PROZ: variants seen among roughly 807,000 people sequenced by gnomAD.
The protein encoded by PROZ is protein Z, vitamin K dependent plasma glycoprotein.
Under a neutral mutation model 34.9 loss-of-function variants are expected in PROZ, and 46 were observed. The ratio of observed to expected loss-of-function variants is 1.32; its 90% confidence interval spans 1.04 to 1.69. PROZ has a LOEUF of 1.69. Among genes scored for constraint, PROZ ranks in the 40% most tolerant of loss-of-function variants. PROZ has a pLI of 0.00. For missense variants in PROZ, 530 were observed against 520.4 expected (o/e 1.02, Z -0.18); for synonymous variants, 195 against 208.5 (o/e 0.94, Z 0.56).
At chr13:113,163,152 G>C in intron 4 of PROZ, 30 bp downstream of exon 4, 1 of 1,499,686 alleles carries the variant, frequency 6.7e-7, no homozygotes, top group South Asian at 1.2e-5. Context: ...CTTCCCCCAA[G>C]GGCCTCCCTG....
In PROZ at chr13:113,159,891, GGCTGAGA is replaced by G; in HGVS notation, c.71-120_71-114del. 1 of 1,223,816 alleles carries G rather than the reference GGCTGAGA, an allele frequency of 8.2e-7. No individual in the cohort carries two copies. The highest frequency in any genetic ancestry group is 1.2e-6 in the Non-Finnish European group (1 of 830,824). The allele number at this position is 1,223,816 out of a possible 1,614,324, so 75.8% of individuals were successfully genotyped here. On this transcript the variant is annotated intron_variant, in intron 1 of 7. Transcript: ENST00000375547. This position sits in a 1 kb window ranked among gnomAD's most constrained non-coding sequence, Gnocchi z 4.6. ...GCGGGGTGGCCCTGAGGCCCTCGCAGGCTGAGAGCCTGTGGAGACGGACGGGGCTGGG... is the reference window on the plus strand; with the variant it reads ...GCGGGGTGGCCCTGAGGCCCTCGCAGGCCTGTGGAGACGGACGGGGCTGGG...
chr13:113,165,892 AC>A (rs2036916220), intron 6 of PROZ, among the ~76,000 whole-genome samples: 1 of 152,168 alleles, frequency 6.6e-6, no homozygotes, highest in Non-Finnish European at 1.5e-5. Flanking sequence ...CATATTTAGC[AC>A]AAGTAGTCAG....
chr13:113,164,199 T>C (rs3024729), intron 4 of PROZ, among the ~76,000 whole-genome samples: 367 of 152,098 alleles, frequency 2.4e-3, no homozygotes, highest in African/African-American at 8.0e-3. Context: ...AGGCTGGTCT[T>C]GATCTCCTGA....
Position 113,170,493 on chromosome 13 carries a change from A to G in PROZ, c.654A>G (p.Lys218=). 1 of 1,604,302 alleles carries G rather than the reference A, an allele frequency of 6.2e-7. No homozygotes were observed. Among genetic ancestry groups the G allele is most frequent in the South Asian group, 1.1e-5 (1 of 90,842 alleles). The change falls in exon 7 of 8, where the codon AAA becomes AAG. Residue 218 remains lysine, a synonymous_variant. Transcript: ENST00000375547. ...AAAATTTTGTACTGACAACAGCAAA[A>G]TGTTCACTGTTACACAGGAATATTA... The part of the protein sequence containing the change: ...IRENFVLTTA[K]CSLLHRNITV...
In PROZ at chr13:113,159,113, A is replaced by G. The variant is rs1157349726; in HGVS notation, c.70+383A>G. The G allele has an allele frequency of 2.7e-6, 3 of 1,109,792 alleles. No individual in the cohort carries two copies. Among genetic ancestry groups the G allele is most frequent in the Non-Finnish European group, 4.0e-6 (3 of 750,966 alleles). 68.7% of individuals were successfully genotyped at this position (1,109,792 alleles called of 1,614,324 possible). On this transcript the variant is annotated intron_variant, in intron 1 of 7. Coordinates refer to ENST00000375547, the MANE Select transcript of PROZ (RefSeq NM_003891.3). This position sits in a 1 kb window ranked among gnomAD's most constrained non-coding sequence, Gnocchi z 4.6. ...AATGTGGGCAGAGAGAGCCTTGGCC[A>G]GGCCAGCCAGGAATGCCCAGTCTTG...
intron 6 of PROZ, 84 bp downstream of exon 6, chr13:113,165,204 C>T: frequency 1.4e-6 from 2 of 1,395,242 alleles, no homozygotes; most frequent in Non-Finnish European, 2.0e-6. Flanking sequence ...ATGTTGACAA[C>T]TAAGTGAATC....
rs763374534 is a variant in PROZ at position 113,171,881 on chromosome 13, T to C, written c.979T>C (p.Cys327Arg). ...TGTCACACTTGTGGAGGGGGAGGAG[T>C]GCGGGCAGGTCCTGAATGTGACTGT... ...RPVTLVEGEE[C>R]GQVLNVTVTT... The change falls in exon 8 of 8, where the codon TGC becomes CGC. Residue 327 changes from cysteine (C) to arginine (R), a missense_variant. Cys to Arg is a radical substitution (Grantham distance 180). Transcript: ENST00000375547. The surrounding 1 kb of genome is among the most constrained non-coding windows in gnomAD (Gnocchi z 5.1). 33 of 1,611,926 alleles carry C rather than the reference T, an allele frequency of 2.0e-5. No individual in the cohort carries two copies. The highest frequency in any genetic ancestry group is 3.3e-5 in the Admixed American group (2 of 59,830).
At chr13:113,162,902 C>T in intron 3 of PROZ, 107 bp from the exon 4 acceptor site, 1 of 571,940 alleles carries the variant, frequency 1.7e-6, no homozygotes, top group African/African-American at 2.0e-5. Context: ...CCCCCCACTC[C>T]ATCCTCCTCC....
At position 113,172,174 on chromosome 13, in the gene PROZ, G is replaced by A; in HGVS notation, c.*69G>A. On this transcript the variant is annotated 3_prime_UTR_variant, in exon 8 of 8. Transcript: ENST00000375547. ...GATTCCAAGCTGGCACTGCCACTGT[G>A]GAGGGCGCTGAAACTTCATCACACA... 1.3e-6 allele frequency: 2 copies of A among 1,574,754 alleles called. No homozygotes were observed. The highest frequency in any genetic ancestry group is 1.1e-5 in the South Asian group (1 of 87,710).
rs1324459270 is a variant in PROZ at position 113,159,677 on chromosome 13, G to A, written c.71-337G>A. Among the ~76,000 whole-genome samples the A allele has an allele frequency of 6.6e-6, 1 of 152,186 alleles. No individual in the cohort carries two copies. The highest frequency in any genetic ancestry group is 2.4e-5 in the African/African-American group (1 of 41,444). On this transcript the variant is annotated intron_variant, in intron 1 of 7. Coordinates refer to ENST00000375547, the MANE Select transcript of PROZ (RefSeq NM_003891.3). This position sits in a 1 kb window ranked among gnomAD's most constrained non-coding sequence, Gnocchi z 4.6. The stretch of plus-strand genomic sequence containing the variant: ...GCTCTTGGTCCCCAGTTCTCAGTAC[G>A]GGGACCTTTGACCCCAGCTCAGCCT...
In PROZ at chr13:113,171,212, T is replaced by C. The variant is rs2037100459; in HGVS notation, c.692-382T>C. On this transcript the variant is annotated intron_variant, in intron 7 of 7. Coordinates refer to ENST00000375547, the MANE Select transcript of PROZ (RefSeq NM_003891.3). This position sits in a 1 kb window ranked among gnomAD's most constrained non-coding sequence, Gnocchi z 5.1. ...CGCTGGGATTACAGATGTGAGCCAC[T>C]GTGCCTGGCCCTTAAATATTTTTCA... Among the ~76,000 whole-genome samples, 4 of 152,232 alleles carry C rather than the reference T, an allele frequency of 2.6e-5. No homozygotes were observed. Among genetic ancestry groups the C allele is most frequent in the Admixed American group, 2.6e-4 (4 of 15,280 alleles).
At position 113,159,514 on chromosome 13, in the gene PROZ, A is replaced by G. The variant is rs1225330884; in HGVS notation, c.71-500A>G. 6.6e-6 allele frequency among the ~76,000 whole-genome samples: 1 copy of G among 152,186 alleles called. No individual in the cohort carries two copies. Among genetic ancestry groups the G allele is most frequent in the Non-Finnish European group, 1.5e-5 (1 of 68,036 alleles). On this transcript the variant is annotated intron_variant, in intron 1 of 7. Coordinates refer to ENST00000375547, the MANE Select transcript of PROZ (RefSeq NM_003891.3). This position sits in a 1 kb window ranked among gnomAD's most constrained non-coding sequence, Gnocchi z 4.6. ...GGACCCTCAGGTGGGAAGAGGCTCC[A>G]GAGACCACTGCCGCGGGTCAACTCA...
chr13:113,165,813 G>A (rs2036913055), intron 6 of PROZ, among the ~76,000 whole-genome samples: 1 of 152,216 alleles, frequency 6.6e-6, no homozygotes, highest in South Asian at 2.1e-4. Context: ...TTACAGGCGT[G>A]AGCCACCACG....
Position 113,160,981 on chromosome 13 carries a change from TTTCC to T in PROZ, c.259+13_259+16del. 6.2e-7 allele frequency: 1 copy of T among 1,606,072 alleles called. No individual in the cohort carries two copies. The highest frequency in any genetic ancestry group is 8.5e-7 in the Non-Finnish European group (1 of 1,173,334). The stretch of plus-strand genomic sequence containing the variant: ...CTGGAGACGATATAAGGGTAAGTGG[TTTCC>T]TTCGTCTCCTCAGAAGTATTAATTC... On this transcript the variant is annotated intron_variant, in intron 3 of 7. Coordinates refer to ENST00000375547, the MANE Select transcript of PROZ (RefSeq NM_003891.3).
Position 113,170,437 on chromosome 13 carries a change from A to G in PROZ, c.598A>G (p.Lys200Glu), listed in dbSNP as rs1458071556. The part of the protein sequence containing the change: ...WQVKLTNSEG[K>E]DFCGGVIIRE... ...GGTAAAGTTAACAAATTCCGAAGGA[A>G]AAGACTTCTGTGGTGGTGTTATAAT... Residue 200 changes from lysine to glutamate, a missense_variant, in exon 7 of 8, where the codon AAA becomes GAA. Lys to Glu is a moderately conservative substitution (Grantham distance 56). Transcript: ENST00000375547. The G allele has an allele frequency of 1.2e-6, 2 of 1,606,906 alleles. No homozygotes were observed. The highest frequency in any genetic ancestry group is 1.7e-6 in the Non-Finnish European group (2 of 1,173,394).
chr13:113,162,874 TC>T, intron 3 of PROZ, 134 bp from the exon 4 acceptor site: 1 of 644,024 alleles, frequency 1.6e-6, no homozygotes. Context: ...GGTGCTCAGG[TC>T]CCCGTCCCTG....
rs1396721285 is a variant in PROZ, at chr13:113,165,134, C to T, written c.573+14C>T. The T allele has an allele frequency of 6.2e-7, 1 of 1,607,012 alleles. No homozygotes were observed. Among genetic ancestry groups the T allele is most frequent in the Non-Finnish European group, 8.5e-7 (1 of 1,178,174 alleles). On this transcript the variant is annotated intron_variant, in intron 6 of 7. Transcript: ENST00000375547. Reference sequence around the variant, plus strand: ...CTCCCGTGGCAGGTAACAGAGCGCTCTCCGCGTGCTTCAATTTATTGTTAT... The same window carrying T: ...CTCCCGTGGCAGGTAACAGAGCGCTTTCCGCGTGCTTCAATTTATTGTTAT...
chr13:113,165,119 A>G lies in PROZ; in HGVS notation c.572A>G (p.Gln191Arg). The G allele has an allele frequency of 6.2e-7, 1 of 1,611,150 alleles. No individual in the cohort carries two copies. Among genetic ancestry groups the G allele is most frequent in the Non-Finnish European group, 8.5e-7 (1 of 1,179,776 alleles). ...RAPDLQDLPW[Q>R]VKLTNSEGKD... The stretch of plus-strand genomic sequence containing the variant: ...CCGGATCTACAGGACCTCCCGTGGC[A>G]GGTAACAGAGCGCTCTCCGCGTGCT... Residue 191 changes from glutamine to arginine, a missense_variant and splice_region_variant, in exon 6 of 8, where the codon CAG becomes CGG. By Grantham distance (43) the Gln-to-Arg change is conservative. Transcript: ENST00000375547.
At chr13:113,165,243 C>T (rs1385869108) in intron 6 of PROZ, 123 bp downstream of exon 6, 3 of 925,512 alleles carry the variant, frequency 3.2e-6, no homozygotes, top group African/African-American at 3.3e-5. Flanking sequence ...GGGCTACTGA[C>T]TGCACTGACC....
Sources: gnomAD v4.1 joint callset for allele counts (sites outside exome capture counted in the v4.1 genomes callset) on GRCh38, gnomAD v4.1.1 for gene constraint, Gnocchi (gnomAD v3.1) non-coding constraint, MANE v1.5 for transcripts, NCBI Gene and HGNC (gene_info 2026-07-23, HGNC 2026-07-21) for gene names.